RPP30: variants seen among roughly 807,000 people sequenced by gnomAD.
RPP30 encodes the protein ribonuclease P/MRP subunit p30.
RPP30 carries 36 observed loss-of-function variants against 38.6 expected under a neutral mutation model. The observed-to-expected ratio is 0.93, with a 90% CI of 0.71 to 1.23. The LOEUF (loss-of-function observed/expected upper bound fraction) is 1.23. RPP30 is among the 50% of genes most tolerant of loss of function. The probability of loss-of-function intolerance (pLI) is 0.00; values close to 1 mark genes in which losing one functional copy is unlikely to be tolerated. For synonymous variants in RPP30, 126 were observed against 112.7 expected (o/e 1.12, Z -0.75); for missense variants, 321 against 321.7 (o/e 1.00, Z 0.02).
intron 1 of RPP30, among the ~76,000 whole-genome samples, chr10:90,873,000 T>C (rs1846802374): frequency 6.6e-6 from 1 of 152,224 alleles, no homozygotes; most frequent in South Asian, 2.1e-4. Flanking sequence ...TAATGTTCTT[T>C]GATCCTGTAA....
chr10:90,906,606 A>G (rs1340249963), downstream of RPP30, among the ~76,000 whole-genome samples: 1 of 152,234 alleles, frequency 6.6e-6, no homozygotes, highest in Non-Finnish European at 1.5e-5. Context: ...CTTGAAAAAC[A>G]TTCTGGAGGT....
At chr10:90,884,806 C>G (rs1011656243) in intron 5 of RPP30, among the ~76,000 whole-genome samples, 2 of 152,204 alleles carry the variant, frequency 1.3e-5, no homozygotes, top group Non-Finnish European at 2.9e-5. Flanking sequence ...CTTACTCTGC[C>G]CTTTCCCCTG....
intron 4 of RPP30, among the ~76,000 whole-genome samples, chr10:90,878,837 A>T (rs376266031): frequency 6.6e-6 from 1 of 152,248 alleles, no homozygotes; most frequent in Non-Finnish European, 1.5e-5. Context: ...GTACATGGTT[A>T]AAGTATAACA....
At chr10:90,902,335 A>T, downstream of RPP30, 1 of 385,150 alleles carries the variant, frequency 2.6e-6, no homozygotes, top group Non-Finnish European at 5.2e-6. Context: ...CTCCCACCTC[A>T]GCCTCCCAAG....
chr10:90,900,382 TTAA>T (rs1192621274), intron 10 of RPP30, among the ~76,000 whole-genome samples, 185 bp from the exon 11 acceptor site: 1 of 152,272 alleles, frequency 6.6e-6, no homozygotes, highest in African/African-American at 2.4e-5. Context: ...GAATTAGATG[TTAA>T]TAATATACTG....
intron 6 of RPP30, among the ~76,000 whole-genome samples, chr10:90,893,541 T>A (rs1463973954): frequency 6.6e-6 from 1 of 152,204 alleles, no homozygotes; most frequent in Non-Finnish European, 1.5e-5. Context: ...TTAGGAATAA[T>A]CCTCATCACC....
At chr10:90,875,766 T>C in intron 3 of RPP30, 152 bp downstream of exon 3, 4 of 694,680 alleles carry the variant, frequency 5.8e-6, no homozygotes, top group Non-Finnish European at 1.0e-5. Context: ...AAACATTCTT[T>C]TACTATCAAT....
At chr10:90,883,146 A>G (rs1413429411) in intron 5 of RPP30, among the ~76,000 whole-genome samples, 2 of 152,150 alleles carry the variant, frequency 1.3e-5, no homozygotes, top group African/African-American at 2.4e-5. Context: ...AATTTATCAA[A>G]CTGATACCTT....
At position 90,901,494 on chromosome 10, in the gene RPP30, G is replaced by T; in HGVS notation, c.*815G>T. 1.0e-6 allele frequency: 1 copy of T among 984,592 alleles called. No individual in the cohort carries two copies. Among genetic ancestry groups the T allele is most frequent in the South Asian group, 4.7e-5 (1 of 21,264 alleles). 61.0% of individuals were successfully genotyped at this position (984,592 alleles called of 1,614,324 possible). A position where few individuals can be genotyped will look rare whatever the true frequency, so the allele number is the denominator to read the frequency against. ...AGGATACACATGTAAAATTACATCT[G>T]GTCTCTTCCTTCACTGCTTCATGCC... On this transcript the variant is annotated 3_prime_UTR_variant, in exon 11 of 11. Coordinates refer to ENST00000371703, the MANE Select transcript of RPP30 (RefSeq NM_006413.5).
chr10:90,904,709 G>T (rs2120246748), downstream of RPP30, among the ~76,000 whole-genome samples: 1 of 152,282 alleles, frequency 6.6e-6, no homozygotes, highest in East Asian at 1.9e-4. Flanking sequence ...CTACTCGGGA[G>T]GCTGAGGCAG....
At chr10:90,890,933 T>C (rs1847074433) in intron 6 of RPP30, among the ~76,000 whole-genome samples, 1 of 152,160 alleles carries the variant, frequency 6.6e-6, no homozygotes. Context: ...AAATTTATCA[T>C]AGTAAGAGAT....
chr10:90,901,467 A>G lies in RPP30; in HGVS notation c.*788A>G. 1.0e-6 allele frequency: 1 copy of G among 984,920 alleles called. No homozygotes were observed. The highest frequency in any genetic ancestry group is 4.7e-5 in the South Asian group (1 of 21,272). 61.0% of individuals were successfully genotyped at this position (984,920 alleles called of 1,614,324 possible). On this transcript the variant is annotated 3_prime_UTR_variant, in exon 11 of 11. Transcript: ENST00000371703. The stretch of plus-strand genomic sequence containing the variant: ...ATTGCTATAGAATTTGTGGAAGGAG[A>G]GAGGATACACATGTAAAATTACATC...
downstream of RPP30, among the ~76,000 whole-genome samples, chr10:90,904,311 AG>A (rs1236806220): frequency 2.6e-5 from 4 of 152,236 alleles, no homozygotes; most frequent in Non-Finnish European, 5.9e-5. Context: ...GAGGCAGTAC[AG>A]CATACCAGTT....
chr10:90,884,578 G>A (rs916543750), intron 5 of RPP30, among the ~76,000 whole-genome samples: 1 of 152,172 alleles, frequency 6.6e-6, no homozygotes, highest in Non-Finnish European at 1.5e-5. Flanking sequence ...GATTCTTTAT[G>A]AGCCAAGTAT....
chr10:90,882,782 A>G (rs1029540009), intron 5 of RPP30, among the ~76,000 whole-genome samples: 3 of 152,232 alleles, frequency 2.0e-5, no homozygotes, highest in African/African-American at 7.2e-5. Flanking sequence ...TGGGCAACAT[A>G]GTGAGACCCT....
chr10:90,884,648 A>G (rs1846975859), intron 5 of RPP30, among the ~76,000 whole-genome samples: 1 of 152,224 alleles, frequency 6.6e-6, no homozygotes, highest in Non-Finnish European at 1.5e-5. Flanking sequence ...TCTTAAAGCT[A>G]GCCAGCCTCT....
chr10:90,907,760 C>T (rs567325722), downstream of RPP30, among the ~76,000 whole-genome samples: 16 of 152,306 alleles, frequency 1.1e-4, no homozygotes, highest in South Asian at 8.3e-4. Context: ...AAGGTTACCA[C>T]CTCAAAGAAG....
intron 5 of RPP30, among the ~76,000 whole-genome samples, chr10:90,883,850 C>T (rs1371806521): frequency 6.6e-6 from 1 of 152,118 alleles, no homozygotes; most frequent in Non-Finnish European, 1.5e-5. Flanking sequence ...TTACTTCCAC[C>T]TAAAATTCCT....
chr10:90,881,209 A>G (rs1479586847), intron 5 of RPP30, among the ~76,000 whole-genome samples: 6 of 152,224 alleles, frequency 3.9e-5, no homozygotes, highest in Admixed American at 6.5e-5. Flanking sequence ...ACGTTTACAT[A>G]TTTATTTCCT....
Sources: allele counts gnomAD v4.1 joint callset (sites outside exome capture counted in the v4.1 genomes callset), GRCh38; gene constraint gnomAD v4.1.1; transcripts MANE v1.5; gene names NCBI Gene and HGNC (gene_info 2026-07-23, HGNC 2026-07-21).